The following SYNE2 variants were observed in gnomAD, a reference collection of about 807,000 sequenced individuals.
The protein encoded by SYNE2 is spectrin repeat containing nuclear envelope protein 2.
A neutral mutation model predicts 856.3 loss-of-function variants in SYNE2; 431 were observed. The observed-to-expected ratio is 0.50, with a 90% CI of 0.47 to 0.55. SYNE2 has a LOEUF of 0.55. SYNE2 is among the 20% of genes least tolerant of loss of function. The pLI, the probability that SYNE2 is intolerant of heterozygous loss-of-function variation, is 0.00. For missense variants in SYNE2, 8,129 were observed against 8,023.2 expected, an observed-to-expected ratio of 1.01 and a Z score of -0.50; for synonymous variants, 2,923 against 2,872.3, an observed-to-expected ratio of 1.02 and a Z score of -0.56.
At chr14:64,001,553 T>G (rs936460999) in intron 28 of SYNE2, among the ~76,000 whole-genome samples, 1 of 152,138 alleles carries the variant, frequency 6.6e-6, no homozygotes, top group African/African-American at 2.4e-5. Flanking sequence ...AAAAGAATAC[T>G]TGGATATTGG....
At chr14:63,889,294 C>T (rs1023345209) in intron 1 of SYNE2, among the ~76,000 whole-genome samples, 4 of 151,810 alleles carry the variant, frequency 2.6e-5, no homozygotes, top group Admixed American at 6.6e-5. Flanking sequence ...TCTGTCCTTA[C>T]AGTATATCTA....
At chr14:64,178,018 G>T (rs1371707775) in intron 96 of SYNE2, among the ~76,000 whole-genome samples, 1 of 152,152 alleles carries the variant, frequency 6.6e-6, no homozygotes, top group Non-Finnish European at 1.5e-5. Context: ...AGGAATTGGG[G>T]CCAGGAAAAT....
intron 45 of SYNE2, among the ~76,000 whole-genome samples, chr14:64,033,390 T>A (rs2097057791): frequency 6.6e-6 from 1 of 151,870 alleles, no homozygotes; most frequent in Admixed American, 6.6e-5. Context: ...AAATAAGAAT[T>A]GTTTTTGGCC....
intron 2 of SYNE2, among the ~76,000 whole-genome samples, chr14:63,936,544 A>G (rs2095836045): frequency 6.6e-6 from 1 of 152,164 alleles, no homozygotes; most frequent in Non-Finnish European, 1.5e-5. Context: ...CCTAGAAGAA[A>G]GAACAGCTGG....
chr14:63,991,145 G>A (rs1269802850), intron 21 of SYNE2, 30 bp downstream of exon 21: 1 of 1,609,270 alleles, frequency 6.2e-7, no homozygotes, highest in Admixed American at 1.7e-5. Context: ...TCAAATGTAG[G>A]ACATTATTGT....
At chr14:63,815,132 A>C (rs1287750019) in intron 1 of SYNE2, among the ~76,000 whole-genome samples, 1 of 129,010 alleles carries the variant, frequency 7.8e-6, no homozygotes, top group Non-Finnish European at 1.6e-5. Context: ...ATCCACATAT[A>C]TATCCATATA....
At chr14:64,160,249 C>T (rs1351191080) in intron 87 of SYNE2, among the ~76,000 whole-genome samples, 1 of 152,194 alleles carries the variant, frequency 6.6e-6, no homozygotes, top group Non-Finnish European at 1.5e-5. Context: ...ACCGTCAAAA[C>T]GTATGGCAGG....
At chr14:64,093,795 T>C (rs1252825503) in intron 61 of SYNE2, among the ~76,000 whole-genome samples, 2 of 152,108 alleles carry the variant, frequency 1.3e-5, no homozygotes, top group African/African-American at 4.8e-5. Context: ...ATCTCCTTCT[T>C]TAATGGAGGG....
intron 1 of SYNE2, among the ~76,000 whole-genome samples, chr14:63,822,673 G>A (rs1047751352): frequency 6.6e-6 from 1 of 152,248 alleles, no homozygotes; most frequent in Non-Finnish European, 1.5e-5. Flanking sequence ...CTCTGCTCAT[G>A]TCTAGAATGA....
chr14:64,053,636 C>T lies in SYNE2; in HGVS notation c.9723C>T (p.Asn3241=). Residue 3241 remains asparagine (N), a synonymous_variant, in exon 48 of 116, where the codon AAC becomes AAT. Transcript: ENST00000555002. ...REFEDLQMQL[N]TSIDLRTNVL... ...TTGAAGATCTTCAGATGCAGCTTAACACAAGCATTGATTTGCGCACAGTAA... is the reference window on the plus strand; with the variant it reads ...TTGAAGATCTTCAGATGCAGCTTAATACAAGCATTGATTTGCGCACAGTAA... 1 of 1,613,522 alleles carries T rather than the reference C, an allele frequency of 6.2e-7. No individual in the cohort carries two copies. The highest frequency in any genetic ancestry group is 1.3e-5 in the African/African-American group (1 of 75,014).
intron 2 of SYNE2, among the ~76,000 whole-genome samples, chr14:63,928,236 G>A (rs1388647714): frequency 6.6e-6 from 1 of 152,160 alleles, no homozygotes; most frequent in East Asian, 1.9e-4. Context: ...GACTGGACTG[G>A]GGAGAGATAG....
chr14:63,859,922 CTCTT>C (rs1183111081), intron 1 of SYNE2, among the ~76,000 whole-genome samples: 1 of 151,710 alleles, frequency 6.6e-6, no homozygotes, highest in Non-Finnish European at 1.5e-5. Flanking sequence ...CTTTCTCTCT[CTCTT>C]TCTCCCTTCT....
chr14:64,168,188 C>G (rs1489158521), intron 92 of SYNE2, among the ~76,000 whole-genome samples: 2 of 152,166 alleles, frequency 1.3e-5, no homozygotes, highest in Non-Finnish European at 2.9e-5. Context: ...ACTGAAACTT[C>G]CACCCCCCAG....
intron 21 of SYNE2, 95 bp downstream of exon 21, chr14:63,991,210 G>C (rs967798675): frequency 1.6e-6 from 2 of 1,230,262 alleles, no homozygotes; most frequent in African/African-American, 3.0e-5. Flanking sequence ...ATTATATACT[G>C]AGTTACTGTA....
intron 100 of SYNE2, among the ~76,000 whole-genome samples, chr14:64,203,219 GAT>G (rs2098585383): frequency 6.6e-6 from 1 of 151,958 alleles, no homozygotes; most frequent in Non-Finnish European, 1.5e-5. Flanking sequence ...TGGTTAATGA[GAT>G]TTTTTTAATT....
chr14:63,941,390 G>C (rs2275019), intron 3 of SYNE2, among the ~76,000 whole-genome samples: 71,198 of 152,096 alleles, frequency 0.47, 18,159 homozygotes, highest in South Asian at 0.56. Flanking sequence ...CTGCTTTCCA[G>C]ATGGGTCACT....
Position 64,158,753 on chromosome 14 carries a change from G to T in SYNE2, c.15921G>T (p.Val5307=), listed in dbSNP as rs555313966. 688 of 1,613,984 alleles carry T rather than the reference G, an allele frequency of 4.3e-4. 10 individuals carry two copies. The South Asian group carries it at 7.0e-3, about 16-fold the overall frequency. Residue 5307 remains valine (V), a synonymous_variant, in exon 86 of 116, where the codon GTG becomes GTT. Transcript: ENST00000555002. ...WYCMEHSKPV[V]LSLETLRCQV... Reference sequence around the variant, plus strand: ...GCATGGAACACAGCAAGCCTGTGGTGTTATCATTGGAGACCTTGAGATGCC... The same window carrying T: ...GCATGGAACACAGCAAGCCTGTGGTTTTATCATTGGAGACCTTGAGATGCC...
intron 1 of SYNE2, among the ~76,000 whole-genome samples, chr14:63,869,623 C>T (rs138742884): frequency 0.061 from 5,376 of 88,790 alleles, 354 homozygotes; most frequent in African/African-American, 0.19. Flanking sequence ...GCAACAAGAG[C>T]GAAACTTTGT....
intron 1 of SYNE2, among the ~76,000 whole-genome samples, chr14:63,826,288 A>G (rs562718713): frequency 6.6e-6 from 1 of 151,358 alleles, no homozygotes; most frequent in South Asian, 2.1e-4. Flanking sequence ...CAAAAAAATC[A>G]GTAGAAAAAC....
Sources: allele counts gnomAD v4.1 joint callset (sites outside exome capture counted in the v4.1 genomes callset), GRCh38; gene constraint gnomAD v4.1.1; transcripts MANE v1.5; gene names NCBI Gene and HGNC (gene_info 2026-07-23, HGNC 2026-07-21).